The following SLC22A3 variants were observed in gnomAD, a reference collection of about 807,000 sequenced individuals.
SLC22A3 encodes the protein EMT organic cation transporter 3.
Under a neutral mutation model 59.1 loss-of-function variants are expected in SLC22A3, and 51 were observed. That is an observed-to-expected ratio of 0.86 (90% confidence interval 0.69 to 1.09). SLC22A3 has a LOEUF of 1.09. Ranked by LOEUF, SLC22A3 falls within the 50% of genes least tolerant of loss-of-function variation. The pLI is 0.00. For missense variants in SLC22A3, 711 were observed against 726.3 expected, an observed-to-expected ratio of 0.98 and a Z score of 0.24; for synonymous variants, 325 against 292.0, an observed-to-expected ratio of 1.11 and a Z score of -1.15.
intron 1 of SLC22A3, among the ~76,000 whole-genome samples, chr6:160,350,534 C>A (rs978183953): frequency 6.6e-6 from 1 of 152,164 alleles, no homozygotes; most frequent in Non-Finnish European, 1.5e-5. Flanking sequence ...TTCCACTCCA[C>A]TCAGCAGCGC....
rs368136398 is a variant in SLC22A3, at chr6:160,355,870, C to T, written c.429+7022C>T. 7.6e-4 allele frequency among the ~76,000 whole-genome samples: 116 copies of T among 152,296 alleles called. 1 individual carries two copies. Among genetic ancestry groups the T allele is most frequent in the African/African-American group, 2.4e-3 (100 of 41,562 alleles). On this transcript the variant is annotated intron_variant, in intron 1 of 10. Coordinates refer to ENST00000275300, the MANE Select transcript of SLC22A3 (RefSeq NM_021977.4). Reference sequence around the variant, plus strand: ...ACACACCAATTCCAGACACACCTTCCCCACTGCTGCCTCTACCCAGGGCTG... The same window carrying T: ...ACACACCAATTCCAGACACACCTTCTCCACTGCTGCCTCTACCCAGGGCTG...
chr6:160,431,171 T>C (rs1466304634), intron 5 of SLC22A3, among the ~76,000 whole-genome samples: 8 of 152,224 alleles, frequency 5.3e-5, no homozygotes, highest in Non-Finnish European at 2.9e-5. Context: ...AAACCTGGTA[T>C]AGCATTTTGT....
chr6:160,410,145 T>C (rs1787186496), intron 4 of SLC22A3, among the ~76,000 whole-genome samples: 2 of 152,230 alleles, frequency 1.3e-5, no homozygotes, highest in Admixed American at 1.3e-4. Context: ...TCCTCCCCAG[T>C]AGCTGGGATT....
At chr6:160,388,905 T>C (rs2114812113) in intron 1 of SLC22A3, among the ~76,000 whole-genome samples, 1 of 152,336 alleles carries the variant, frequency 6.6e-6, no homozygotes, top group South Asian at 2.1e-4. Flanking sequence ...AAAGCTGCAT[T>C]GTGCATCAGC....
chr6:160,399,513 A>C (rs181801781), intron 2 of SLC22A3, among the ~76,000 whole-genome samples: 1 of 152,286 alleles, frequency 6.6e-6, no homozygotes, highest in Non-Finnish European at 1.5e-5. Context: ...GTGATTGAGC[A>C]TCTGTCCTCA....
chr6:160,383,795 CA>C (rs995426103), intron 1 of SLC22A3, among the ~76,000 whole-genome samples: 298 of 147,438 alleles, frequency 2.0e-3, no homozygotes, highest in African/African-American at 6.8e-3. Context: ...TTTTAAAAAG[CA>C]AAAAAAAATA....
intron 1 of SLC22A3, among the ~76,000 whole-genome samples, chr6:160,378,780 A>G (rs1785689193): frequency 6.6e-6 from 1 of 152,212 alleles, no homozygotes; most frequent in Non-Finnish European, 1.5e-5. Context: ...AAATTATCTA[A>G]CACAAAGCCT....
intron 1 of SLC22A3, among the ~76,000 whole-genome samples, chr6:160,393,362 A>T (rs1277587715): frequency 2.6e-5 from 4 of 151,872 alleles, no homozygotes; most frequent in Non-Finnish European, 5.9e-5. Flanking sequence ...ATATGTATAC[A>T]TGTGCCATGT....
chr6:160,417,107 C>A (rs1787527431), intron 5 of SLC22A3, among the ~76,000 whole-genome samples: 1 of 152,202 alleles, frequency 6.6e-6, no homozygotes, highest in Non-Finnish European at 1.5e-5. Context: ...TGATTGACAG[C>A]AGTATCTCTC....
intron 1 of SLC22A3, among the ~76,000 whole-genome samples, chr6:160,380,927 A>T (rs1024916894): frequency 6.6e-6 from 1 of 152,234 alleles, no homozygotes. Flanking sequence ...ACTGAACCAG[A>T]TATCTGCTAA....
chr6:160,419,770 T>A (rs1464500930), intron 5 of SLC22A3, among the ~76,000 whole-genome samples: 1 of 152,200 alleles, frequency 6.6e-6, no homozygotes, highest in Non-Finnish European at 1.5e-5. Flanking sequence ...ATGTGTACCA[T>A]CACACTCACT....
At chr6:160,406,961 T>C (rs934411287) in intron 2 of SLC22A3, 80 bp from the exon 3 acceptor site, 2 of 1,477,018 alleles carry the variant, frequency 1.4e-6, no homozygotes, top group South Asian at 2.4e-5. Flanking sequence ...TATGGTATGA[T>C]ATAATATTTT....
intron 1 of SLC22A3, among the ~76,000 whole-genome samples, chr6:160,353,982 A>G (rs1413408022): frequency 6.6e-6 from 1 of 152,156 alleles, no homozygotes; most frequent in East Asian, 1.9e-4. Flanking sequence ...GAGAGCTTTG[A>G]GCTCTCCAGG....
intron 1 of SLC22A3, among the ~76,000 whole-genome samples, chr6:160,375,797 A>G (rs1198137646): frequency 6.6e-6 from 1 of 152,174 alleles, no homozygotes; most frequent in Non-Finnish European, 1.5e-5. Flanking sequence ...CAGCAATTTG[A>G]AAAAAATTGC....
intron 9 of SLC22A3, among the ~76,000 whole-genome samples, 181 bp downstream of exon 9, chr6:160,443,923 A>G (rs1342703218): frequency 2.0e-5 from 3 of 152,156 alleles, no homozygotes; most frequent in African/African-American, 7.2e-5. Flanking sequence ...CAGTTTTGAG[A>G]GCCAATTCAG....
At chr6:160,445,781 G>A (rs149559830) in intron 9 of SLC22A3, among the ~76,000 whole-genome samples, 1 of 152,338 alleles carries the variant, frequency 6.6e-6, no homozygotes, top group Non-Finnish European at 1.5e-5. Context: ...AGAAGCAGGT[G>A]GCACAGGCAC....
intron 1 of SLC22A3, among the ~76,000 whole-genome samples, chr6:160,354,141 T>C (rs1784751940): frequency 6.6e-6 from 1 of 152,174 alleles, no homozygotes; most frequent in Non-Finnish European, 1.5e-5. Context: ...GAGACATCTG[T>C]ACTTTTGGAC....
At chr6:160,362,652 G>C (rs1484259916) in intron 1 of SLC22A3, among the ~76,000 whole-genome samples, 1 of 152,256 alleles carries the variant, frequency 6.6e-6, no homozygotes, top group Non-Finnish European at 1.5e-5. Context: ...TGTCCAGAGA[G>C]GCCGGTCCCC....
At chr6:160,404,911 T>TA (rs918300564) in intron 2 of SLC22A3, among the ~76,000 whole-genome samples, 1 of 146,488 alleles carries the variant, frequency 6.8e-6, no homozygotes. Context: ...TTACACCCTT[T>TA]AAAAAAAATG....
Sources: gnomAD v4.1 joint callset for allele counts (sites outside exome capture counted in the v4.1 genomes callset) on GRCh38, gnomAD v4.1.1 for gene constraint, MANE v1.5 for transcripts, NCBI Gene and HGNC (gene_info 2026-07-23, HGNC 2026-07-21) for gene names.